Variants in SMARCC1 observed in about 807,000 individuals in gnomAD.
The protein encoded by SMARCC1 is SWI/SNF complex subunit SMARCC1.
Under a neutral mutation model 147.4 loss-of-function variants are expected in SMARCC1, and 43 were observed. That is an observed-to-expected ratio of 0.29 (90% CI 0.23 to 0.38). The LOEUF is 0.38. Among genes scored for constraint, SMARCC1 ranks in the 10% least tolerant of loss-of-function variants. The pLI is 1.00. For missense variants in SMARCC1, 1,119 were observed against 1,381.1 expected, an observed-to-expected ratio of 0.81 and a Z score of 3.01; for synonymous variants, 495 against 484.4, an observed-to-expected ratio of 1.02 and a Z score of -0.29.
At chr3:47,757,660 T>A (rs1442192604) in intron 2 of SMARCC1, among the ~76,000 whole-genome samples, 1 of 151,366 alleles carries the variant, frequency 6.6e-6, no homozygotes, top group East Asian at 2.0e-4. Context: ...AGCATGCACC[T>A]GTAGTCCCAG....
chr3:47,611,652 C>T (rs892668885), intron 25 of SMARCC1, among the ~76,000 whole-genome samples: 2 of 152,234 alleles, frequency 1.3e-5, no homozygotes, highest in East Asian at 3.9e-4. Flanking sequence ...ACACTACACA[C>T]TATTATTTGC....
intron 24 of SMARCC1, among the ~76,000 whole-genome samples, chr3:47,633,143 G>A (rs755431180): frequency 2.0e-5 from 3 of 152,174 alleles, no homozygotes; most frequent in Non-Finnish European, 4.4e-5. Flanking sequence ...AATTCACAAA[G>A]GTGTAGGCTT....
intron 25 of SMARCC1, among the ~76,000 whole-genome samples, chr3:47,615,319 G>A (rs1337051520): frequency 2.0e-5 from 3 of 152,208 alleles, no homozygotes; most frequent in African/African-American, 4.8e-5. Context: ...CTGGAGGACA[G>A]CAGATGCTCA....
intron 8 of SMARCC1, among the ~76,000 whole-genome samples, chr3:47,712,646 CAAA>C (rs2034101773): frequency 1.2e-5 from 1 of 84,182 alleles, no homozygotes; most frequent in Non-Finnish European, 3.1e-5. Context: ...AAAACTTGGG[CAAA>C]CAGTTTTAGT....
intron 18 of SMARCC1, 145 bp downstream of exon 18, chr3:47,675,330 C>T (rs917263123): frequency 2.2e-6 from 1 of 450,488 alleles, no homozygotes; most frequent in Non-Finnish European, 4.0e-6. Flanking sequence ...TACCTATCTA[C>T]TAAGTCATAT....
intron 25 of SMARCC1, among the ~76,000 whole-genome samples, chr3:47,616,448 C>T (rs1252280164): frequency 1.3e-5 from 2 of 151,828 alleles, no homozygotes; most frequent in African/African-American, 2.4e-5. Flanking sequence ...ATAACAAATT[C>T]GATTTTTTTT....
intron 21 of SMARCC1, among the ~76,000 whole-genome samples, chr3:47,639,272 A>C (rs764333020): frequency 6.6e-6 from 1 of 152,200 alleles, no homozygotes; most frequent in Non-Finnish European, 1.5e-5. Flanking sequence ...CTGAAATCTC[A>C]AGAGGATATC....
rs546731379 is a variant in SMARCC1, at chr3:47,709,161, T to C, written c.918+1522A>G. On this transcript the variant is annotated intron_variant, in intron 9 of 27. Coordinates refer to ENST00000254480, the MANE Select transcript of SMARCC1 (RefSeq NM_003074.4). Reference sequence around the variant, plus strand: ...CTGTAATCCCAGGTACTTGGGAAGCTGAGGCAGGAGAATTACTTGAACCCA... The same window carrying C: ...CTGTAATCCCAGGTACTTGGGAAGCCGAGGCAGGAGAATTACTTGAACCCA... Among the ~76,000 whole-genome samples the C allele has an allele frequency of 4.7e-4, 71 of 151,772 alleles. 1 individual carries two copies. Among genetic ancestry groups the C allele is most frequent in the Middle Eastern group, 3.4e-3 (1 of 290 alleles).
At chr3:47,603,934 G>A (rs1298667321) in intron 26 of SMARCC1, 2 of 429,218 alleles carry the variant, frequency 4.7e-6, no homozygotes, top group Admixed American at 2.7e-5. Flanking sequence ...GAGTTATCAG[G>A]TGAGTTAGGA....
chr3:47,697,047 C>T (rs2106782492), intron 11 of SMARCC1, among the ~76,000 whole-genome samples: 1 of 152,258 alleles, frequency 6.6e-6, no homozygotes, highest in South Asian at 2.1e-4. Flanking sequence ...GAATTAACTA[C>T]AAAATAAGCC....
chr3:47,653,225 G>A (rs938659468), intron 21 of SMARCC1, among the ~76,000 whole-genome samples: 2 of 152,182 alleles, frequency 1.3e-5, no homozygotes, highest in Admixed American at 1.3e-4. Context: ...CCAAAGTGCT[G>A]GGATTACAGG....
At chr3:47,647,140 T>C (rs954047130) in intron 21 of SMARCC1, among the ~76,000 whole-genome samples, 3 of 152,204 alleles carry the variant, frequency 2.0e-5, no homozygotes, top group African/African-American at 7.2e-5. Flanking sequence ...GCGAAAAGAA[T>C]GCACTCGTGA....
In SMARCC1 at chr3:47,671,674, T is replaced by C. The variant is rs143470395; in HGVS notation, c.1840-957A>G. ...TTCATACTTCTTTATCTGCAGACCC[T>C]GCTGCATTCACTCATCTTCAGGGGA... is the stretch of plus-strand genomic sequence containing the variant. On this transcript the variant is annotated intron_variant, in intron 18 of 27. Transcript: ENST00000254480. 3.7e-3 allele frequency among the ~76,000 whole-genome samples: 557 copies of C among 152,326 alleles called. 4 individuals carry two copies. Among genetic ancestry groups the C allele is most frequent in the African/African-American group, 9.6e-3 (398 of 41,574 alleles).
At chr3:47,675,671 G>C (rs900182449) in intron 17 of SMARCC1, 83 bp from the exon 18 acceptor site, 1 of 714,256 alleles carries the variant, frequency 1.4e-6, no homozygotes, top group Non-Finnish European at 2.5e-6. Context: ...GTTTGGGCCA[G>C]GCGCCGTGGC....
At chr3:47,776,734 T>C (rs187066752) in intron 1 of SMARCC1, among the ~76,000 whole-genome samples, 29 of 152,198 alleles carry the variant, frequency 1.9e-4, no homozygotes, top group Admixed American at 7.2e-4. Flanking sequence ...TATACATATA[T>C]ATGTAAACAT....
chr3:47,623,413 A>G (rs1035609217), intron 24 of SMARCC1, among the ~76,000 whole-genome samples: 4 of 152,154 alleles, frequency 2.6e-5, no homozygotes, highest in African/African-American at 9.7e-5. Flanking sequence ...GGCTTTTGGG[A>G]ACTATGCTGA....
chr3:47,594,118 T>C (rs1348112689), intron 26 of SMARCC1, among the ~76,000 whole-genome samples: 2 of 151,032 alleles, frequency 1.3e-5, no homozygotes, highest in East Asian at 1.9e-4. Flanking sequence ...TGAGCCAAGA[T>C]TGCACCATTA....
At chr3:47,705,842 A>G (rs2033985188) in intron 10 of SMARCC1, among the ~76,000 whole-genome samples, 4 of 152,214 alleles carry the variant, frequency 2.6e-5, no homozygotes, top group Admixed American at 2.6e-4. Context: ...ACCATTTATT[A>G]AGTGTGTATT....
chr3:47,642,352 G>A (rs774205926), intron 21 of SMARCC1, among the ~76,000 whole-genome samples: 10 of 152,180 alleles, frequency 6.6e-5, no homozygotes, highest in Non-Finnish European at 1.2e-4. Context: ...CACTTTGGGA[G>A]GCCAAGGCAG....
Sources: allele counts gnomAD v4.1 joint callset (sites outside exome capture counted in the v4.1 genomes callset), GRCh38; gene constraint gnomAD v4.1.1; transcripts MANE v1.5; gene names NCBI Gene and HGNC (gene_info 2026-07-23, HGNC 2026-07-21).